PSIP1: variants seen among roughly 807,000 people sequenced by gnomAD.
PSIP1 encodes PC4 and SRSF1 interacting protein 1.
PSIP1 carries 19 observed loss-of-function variants against 74.7 expected under a neutral mutation model. The observed-to-expected ratio is 0.25, with a 90% confidence interval of 0.18 to 0.37. The LOEUF (loss-of-function observed/expected upper bound fraction) is 0.37, where lower values mean the gene tolerates loss of function less well. PSIP1 is among the 10% of genes least tolerant of loss of function. PSIP1 has a pLI of 1.00. For missense variants in PSIP1, 601 were observed against 614.3 expected (o/e 0.98, Z 0.23); for synonymous variants, 222 against 195.3 (o/e 1.14, Z -1.14).
chr9:15,499,611 T>C lies in PSIP1; in HGVS notation c.149+6950A>G, dbSNP rs188907260. The stretch of plus-strand genomic sequence containing the variant: ...GTCACAGGCCAGGCACGGTGGCTCA[T>C]GTCTGTAATCCCAACACTTTAGGAG... On this transcript the variant is annotated intron_variant, in intron 3 of 15. Transcript: ENST00000380733. Among the ~76,000 whole-genome samples the C allele has an allele frequency of 9.9e-4, 150 of 152,254 alleles. 1 individual carries two copies. Among genetic ancestry groups the C allele is most frequent in the African/African-American group, 3.5e-3 (144 of 41,564 alleles).
At position 15,488,838 on chromosome 9, in the gene PSIP1, G is replaced by A. The variant is rs551267297; in HGVS notation, c.288+1148C>T. Among the ~76,000 whole-genome samples the A allele has an allele frequency of 2.8e-3, 426 of 152,186 alleles. 1 individual carries two copies. Among genetic ancestry groups the A allele is most frequent in the African/African-American group, 9.7e-3 (402 of 41,500 alleles). On this transcript the variant is annotated intron_variant, in intron 4 of 15. Transcript: ENST00000380733. ...AGATCGAGACCATCCTGGCTAACAC[G>A]GTGAAACCCCGTCTCTACTAAAAAT...
At position 15,465,677 on chromosome 9, in the gene PSIP1, A is replaced by G. The variant is rs2035575629; in HGVS notation, c.1533-97T>C. The G allele has an allele frequency of 6.9e-6, 7 of 1,009,712 alleles. No homozygotes were observed. In the South Asian group the frequency reaches 1.0e-4, roughly 14 times the overall value. 62.5% of individuals were successfully genotyped at this position (1,009,712 alleles called of 1,614,324 possible). On this transcript the variant is annotated intron_variant, in intron 15 of 15. Transcript: ENST00000380733. ...CTGCATTATATTTTTAAACCCATGA[A>G]AAGACTGAAACCAACCAAACAAAAG...
intron 3 of PSIP1, 68 bp from the exon 4 acceptor site, chr9:15,490,192 C>G: frequency 7.5e-7 from 1 of 1,332,880 alleles, no homozygotes; most frequent in East Asian, 2.6e-5. Flanking sequence ...AGATAAGACA[C>G]CCTATTACAC....
chr9:15,504,651 G>C (rs1363038141), intron 3 of PSIP1, among the ~76,000 whole-genome samples: 3 of 151,772 alleles, frequency 2.0e-5, no homozygotes, highest in Admixed American at 1.3e-4. Context: ...GCAGGAGAAT[G>C]GCGTGAACCC....
rs1041914443 is a variant in PSIP1, at chr9:15,471,415, C to T, written c.977+1217G>A. The T allele has an allele frequency of 1.1e-5, 16 of 1,479,694 alleles. No homozygotes were observed. The South Asian group carries it at 2.1e-4, about 19-fold the overall frequency. 91.7% of individuals were successfully genotyped at this position (1,479,694 alleles called of 1,614,324 possible). A position where few individuals can be genotyped will look rare whatever the true frequency, so the allele number is the denominator to read the frequency against. ...AGGACATTCAAAAGAAACTGAAATA[C>T]ATAAAGATAACTTTAAGATACTAAA... On this transcript the variant is annotated intron_variant, in intron 10 of 15. Transcript: ENST00000380733.
intron 6 of PSIP1, chr9:15,485,775 G>T: frequency 2.6e-6 from 1 of 381,808 alleles, no homozygotes; most frequent in South Asian, 5.9e-5. Context: ...TCATTAAAAT[G>T]AATGAAAACT....
intron 11 of PSIP1, among the ~76,000 whole-genome samples, 158 bp from the exon 12 acceptor site, chr9:15,469,494 A>G (rs142889492): frequency 7.9e-4 from 121 of 152,280 alleles, no homozygotes; most frequent in African/African-American, 2.3e-3. Flanking sequence ...TTAACTAAGA[A>G]TAAGTACTTA....
chr9:15,486,074 A>T lies in PSIP1; in HGVS notation c.394-6T>A, dbSNP rs748367416. The T allele has an allele frequency of 6.3e-7, 1 of 1,581,642 alleles. No homozygotes were observed. The highest frequency in any genetic ancestry group is 2.2e-5 in the East Asian group (1 of 44,622). On this transcript the variant is annotated splice_polypyrimidine_tract_variant and splice_region_variant and intron_variant, in intron 5 of 15. Coordinates refer to ENST00000380733, the MANE Select transcript of PSIP1 (RefSeq NM_033222.5). ...TCAACTGCTTTAGTCACATCCTAAA[A>T]AAGAAAAAAGAAAACTGAATACTGA...
chr9:15,474,126 C>T lies in PSIP1; in HGVS notation c.741G>A (p.Glu247=). Residue 247 remains glutamate (E), a synonymous_variant, in exon 9 of 16, where the codon GAG becomes GAA. Coordinates refer to ENST00000380733, the MANE Select transcript of PSIP1 (RefSeq NM_033222.5). ...CTTTCTTCCCCTCTTTTTTATCCGGCTCTTTTCTTGGCTTATCTTCTTCCT... is the reference window on the plus strand; with the variant it reads ...CTTTCTTCCCCTCTTTTTTATCCGGTTCTTTTCTTGGCTTATCTTCTTCCT... ...GQKEEDKPRK[E]PDKKEGKKEV... is the part of the protein sequence containing the mutation. 6.2e-7 allele frequency: 1 copy of T among 1,613,526 alleles called. No individual in the cohort carries two copies. Among genetic ancestry groups the T allele is most frequent in the South Asian group, 1.1e-5 (1 of 91,052 alleles).
chr9:15,468,398 C>A (rs928647447), intron 14 of PSIP1: 1 of 704,690 alleles, frequency 1.4e-6, no homozygotes, highest in African/African-American at 1.8e-5. Context: ...TCATCTGCCT[C>A]ATGAGCAATG....
chr9:15,510,205 C>CG lies in PSIP1; in HGVS notation c.-18dup. 1 of 1,598,944 alleles carries CG rather than the reference C, an allele frequency of 6.3e-7. No individual in the cohort carries two copies. Among genetic ancestry groups the CG allele is most frequent in the Non-Finnish European group, 8.5e-7 (1 of 1,173,512 alleles). On this transcript the variant is annotated 5_prime_UTR_variant, in exon 2 of 16. Coordinates refer to ENST00000380733, the MANE Select transcript of PSIP1 (RefSeq NM_033222.5). ...GCGAGTCATGTTTCGGGGGCGAGAC[C>CG]GGGGGTCCGAAGCCCGGGAGGCGGC...
At chr9:15,473,924 A>C in intron 9 of PSIP1, 85 bp downstream of exon 9, 1 of 799,426 alleles carries the variant, frequency 1.3e-6, no homozygotes. Context: ...ACAAAAAAAA[A>C]AACAAAAAAA....
chr9:15,476,289 CAT>C (rs1368778219), intron 8 of PSIP1, among the ~76,000 whole-genome samples: 1 of 152,178 alleles, frequency 6.6e-6, no homozygotes, highest in Non-Finnish European at 1.5e-5. Context: ...AAACCTAAAA[CAT>C]GTAGTCACTT....
intron 2 of PSIP1, among the ~76,000 whole-genome samples, chr9:15,509,459 G>T (rs541661629): frequency 2.6e-5 from 4 of 152,136 alleles, no homozygotes; most frequent in Non-Finnish European, 4.4e-5. Flanking sequence ...TGAGGAATCT[G>T]GTCCACACCT....
chr9:15,491,570 A>G lies in PSIP1; in HGVS notation c.150-1446T>C, dbSNP rs185287618. 1.6e-3 allele frequency among the ~76,000 whole-genome samples: 237 copies of G among 149,348 alleles called. 2 individuals are homozygous for G. The highest frequency in any genetic ancestry group is 2.5e-3 in the Non-Finnish European group (167 of 68,020). On this transcript the variant is annotated intron_variant, in intron 3 of 15. Transcript: ENST00000380733. ...CATATGTGTGTACATATATACACAG[A>G]TAGTTCTTAATTTACTAGGAGGTTA...
intron 10 of PSIP1, among the ~76,000 whole-genome samples, 167 bp from the exon 11 acceptor site, chr9:15,470,160 T>C (rs1272188559): frequency 1.3e-5 from 2 of 152,070 alleles, no homozygotes; most frequent in East Asian, 3.8e-4. Context: ...AGCATAAATA[T>C]AAGCAAAACT....
At position 15,510,263 on chromosome 9, in the gene PSIP1, C is replaced by A; in HGVS notation, c.-75G>T. 1 of 1,367,136 alleles carries A rather than the reference C, an allele frequency of 7.3e-7. No individual in the cohort carries two copies. The highest frequency in any genetic ancestry group is 1.0e-6 in the Non-Finnish European group (1 of 998,490). 84.7% of individuals were successfully genotyped at this position (1,367,136 alleles called of 1,614,324 possible). Reference sequence around the variant, plus strand: ...TGCGGCGGCGCGGGGATGCGGGCGGCGGACGCGGGCCCAGCTACCGGGCCC... The same window carrying A: ...TGCGGCGGCGCGGGGATGCGGGCGGAGGACGCGGGCCCAGCTACCGGGCCC... On this transcript the variant is annotated 5_prime_UTR_variant, in exon 2 of 16. Coordinates refer to ENST00000380733, the MANE Select transcript of PSIP1 (RefSeq NM_033222.5).
At chr9:15,494,594 TACAC>T (rs772828753) in intron 3 of PSIP1, among the ~76,000 whole-genome samples, 5 of 71,958 alleles carry the variant, frequency 6.9e-5, no homozygotes, top group African/African-American at 1.5e-4. Flanking sequence ...AAAAAAAAAA[TACAC>T]ACACACACAT....
chr9:15,483,319 G>C (rs1026169919), intron 6 of PSIP1, among the ~76,000 whole-genome samples: 4 of 151,952 alleles, frequency 2.6e-5, no homozygotes, highest in African/African-American at 4.8e-5. Context: ...TTCAAGTAAA[G>C]ACCTTAGAGC....
Sources: gnomAD v4.1 joint callset for allele counts (sites outside exome capture counted in the v4.1 genomes callset) on GRCh38, gnomAD v4.1.1 for gene constraint, MANE v1.5 for transcripts, NCBI Gene and HGNC (gene_info 2026-07-23, HGNC 2026-07-21) for gene names.